CCDC149: variants seen among roughly 807,000 people sequenced by gnomAD.
CCDC149 encodes coiled-coil domain containing 149.
In CCDC149, 45 loss-of-function variants were observed where a neutral mutation model predicts 59.9. The ratio of observed to expected loss-of-function variants is 0.75; its 90% CI spans 0.59 to 0.96. The LOEUF is 0.96. Ranked by LOEUF, CCDC149 falls within the 40% of genes least tolerant of loss-of-function variation. The pLI is 0.00. For missense variants in CCDC149, 584 were observed against 664.7 expected, an observed-to-expected ratio of 0.88 and a Z score of 1.33; for synonymous variants, 245 against 260.6, an observed-to-expected ratio of 0.94 and a Z score of 0.58.
rs540654729 is a variant in CCDC149, at chr4:24,975,755, G to A, written c.-65+4314C>T. On this transcript the variant is annotated intron_variant, in intron 1 of 12. Transcript: ENST00000389609. Reference sequence around the variant, plus strand: ...CAAGGGTGGTCCCCCAAAGAAAGGAGAAGTAACGGGTCCCAGGCAAGCAGA... The same window carrying A: ...CAAGGGTGGTCCCCCAAAGAAAGGAAAAGTAACGGGTCCCAGGCAAGCAGA... Among the ~76,000 whole-genome samples the A allele has an allele frequency of 2.3e-3, 354 of 152,160 alleles. 2 individuals carry two copies. Among genetic ancestry groups the A allele is most frequent in the African/African-American group, 8.1e-3 (336 of 41,504 alleles).
upstream of CCDC149, among the ~76,000 whole-genome samples, chr4:24,913,282 C>G (rs890162954): frequency 6.6e-6 from 1 of 152,156 alleles, no homozygotes; most frequent in Non-Finnish European, 1.5e-5. Context: ...CCGCAAGAAG[C>G]AAATCCCCAA....
At chr4:24,845,688 C>G (rs1471168178) in intron 4 of CCDC149, among the ~76,000 whole-genome samples, 1 of 152,188 alleles carries the variant, frequency 6.6e-6, no homozygotes, top group African/African-American at 2.4e-5. Context: ...GCTGTTAGCC[C>G]TAGACCAGTC....
At chr4:24,916,111 T>C (rs780746281), upstream of CCDC149, among the ~76,000 whole-genome samples, 1 of 152,222 alleles carries the variant, frequency 6.6e-6, no homozygotes, top group Non-Finnish European at 1.5e-5. Context: ...GCCACCCTGT[T>C]ACAAAGTATT....
chr4:24,920,143 C>T (rs75398877), intron 1 of CCDC149, among the ~76,000 whole-genome samples: 1 of 152,334 alleles, frequency 6.6e-6, no homozygotes, highest in African/African-American at 2.4e-5. Context: ...ACAAGCTACC[C>T]AAAACCTGTG....
At chr4:24,889,569 G>A (rs1720406313) in intron 1 of CCDC149, among the ~76,000 whole-genome samples, 1 of 152,196 alleles carries the variant, frequency 6.6e-6, no homozygotes, top group African/African-American at 2.4e-5. Flanking sequence ...CCTGAGGTCT[G>A]CTGGATACAG....
At chr4:24,840,649 C>T (rs1716878796) in intron 4 of CCDC149, among the ~76,000 whole-genome samples, 1 of 152,118 alleles carries the variant, frequency 6.6e-6, no homozygotes, top group Non-Finnish European at 1.5e-5. Flanking sequence ...TTTGCTGTTT[C>T]ATGTGGCCCC....
At chr4:24,803,907 G>A (rs1713996338), downstream of CCDC149, among the ~76,000 whole-genome samples, 1 of 152,176 alleles carries the variant, frequency 6.6e-6, no homozygotes, top group Non-Finnish European at 1.5e-5. This position sits in a 1 kb window ranked among gnomAD's most constrained non-coding sequence, Gnocchi z 4.3. Flanking sequence ...GTTTTGGGAA[G>A]CAACCATAAT....
At chr4:24,964,217 A>G (rs940848111) in intron 1 of CCDC149, among the ~76,000 whole-genome samples, 1 of 150,070 alleles carries the variant, frequency 6.7e-6, no homozygotes, top group Non-Finnish European at 1.5e-5. Flanking sequence ...AAAAAGAGCC[A>G]AATGGAAATT....
chr4:24,915,238 A>T (rs966494589), upstream of CCDC149, among the ~76,000 whole-genome samples: 2 of 152,230 alleles, frequency 1.3e-5, no homozygotes, highest in Admixed American at 1.3e-4. Context: ...ACTGTCTGCC[A>T]ATATATTGCC....
At chr4:24,968,637 C>A (rs749233710) in intron 1 of CCDC149, among the ~76,000 whole-genome samples, 14 of 152,186 alleles carry the variant, frequency 9.2e-5, no homozygotes, top group Non-Finnish European at 1.6e-4. Flanking sequence ...TGGGTCTAGC[C>A]AAGGTGTTAC....
intron 7 of CCDC149, 86 bp from the exon 8 acceptor site, chr4:24,835,118 C>T: frequency 1.2e-6 from 1 of 823,564 alleles, no homozygotes; most frequent in Non-Finnish European, 2.0e-6. Flanking sequence ...CTCATCGGCC[C>T]ACAAGAACCC....
chr4:24,882,455 G>C (rs188052982), intron 1 of CCDC149, among the ~76,000 whole-genome samples: 3 of 152,254 alleles, frequency 2.0e-5, no homozygotes, highest in Admixed American at 2.0e-4. Context: ...GCTAAGTATT[G>C]GGACCCTCAT....
At position 24,898,823 on chromosome 4, in the gene CCDC149, CAT is replaced by C. The variant is rs1720993179; in HGVS notation, c.63+13992_63+13993del. On this transcript the variant is annotated intron_variant, in intron 1 of 12. Coordinates refer to ENST00000635206, the MANE Select transcript of CCDC149 (RefSeq NM_001330643.2). ...CTGTGACATTTGAGCTGGGCTTTAA[CAT>C]ATGAGTAGGAGGTCACCTTTGGACA... Among the ~76,000 whole-genome samples the C allele has an allele frequency of 3.3e-5, 5 of 152,222 alleles. No individual in the cohort carries two copies. The South Asian group carries it at 8.3e-4, about 25-fold the overall frequency.
At chr4:24,957,237 A>G (rs1723491412) in intron 1 of CCDC149, among the ~76,000 whole-genome samples, 2 of 152,184 alleles carry the variant, frequency 1.3e-5, no homozygotes, top group African/African-American at 4.8e-5. Context: ...ACATCCAGGG[A>G]CCTTCCATTG....
chr4:24,912,802 G>A lies in CCDC149; in HGVS notation c.63+15C>T, dbSNP rs1428355776. On this transcript the variant is annotated intron_variant, in intron 1 of 12. Coordinates refer to ENST00000635206, the MANE Select transcript of CCDC149 (RefSeq NM_001330643.2). ...CGGCCCGGCCCATCCCGCCTGGCCG[G>A]CGCCGCGGCCTCACCTCGCTCACCA... 7.6e-6 allele frequency: 10 copies of A among 1,319,276 alleles called. No homozygotes were observed. The African/African-American group carries it at 1.1e-4, about 14-fold the overall frequency. The allele number at this position is 1,319,276 out of a possible 1,614,324, so 81.7% of individuals were successfully genotyped here.
intron 1 of CCDC149, among the ~76,000 whole-genome samples, chr4:24,890,033 C>A (rs114519455): frequency 6.6e-6 from 1 of 152,184 alleles, no homozygotes; most frequent in Non-Finnish European, 1.5e-5. Flanking sequence ...CTTGACCGTT[C>A]TTTAACAAAA....
chr4:24,836,330 G>A, intron 7 of CCDC149, 106 bp downstream of exon 7: 6 of 767,002 alleles, frequency 7.8e-6, no homozygotes, highest in South Asian at 1.6e-5. Flanking sequence ...ATCTGGGAGG[G>A]CAGGCAAGTA....
At chr4:24,937,679 G>GT (rs1449624633) in intron 1 of CCDC149, among the ~76,000 whole-genome samples, 6 of 152,184 alleles carry the variant, frequency 3.9e-5, no homozygotes, top group Non-Finnish European at 8.8e-5. Context: ...AAGCTGGAGC[G>GT]TTACACCCTG....
chr4:24,956,115 G>A (rs1197603045), intron 1 of CCDC149, among the ~76,000 whole-genome samples: 1 of 152,102 alleles, frequency 6.6e-6, no homozygotes, highest in Non-Finnish European at 1.5e-5. Flanking sequence ...TAGGCCTCAA[G>A]GTTTTCATGT....
Sources: allele counts gnomAD v4.1 joint callset (sites outside exome capture counted in the v4.1 genomes callset), GRCh38; gene constraint gnomAD v4.1.1; non-coding constraint Gnocchi (gnomAD v3.1); transcripts MANE v1.5; gene names NCBI Gene and HGNC (gene_info 2026-07-23, HGNC 2026-07-21).